CDK17: variants seen among roughly 807,000 people sequenced by gnomAD.
The protein encoded by CDK17 is cyclin-dependent kinase 17.
A neutral mutation model predicts 77.6 loss-of-function variants in CDK17; 24 were observed. The observed-to-expected ratio is 0.31, with a 90% CI of 0.22 to 0.44. The LOEUF (loss-of-function observed/expected upper bound fraction) is 0.44. CDK17 is among the 20% of genes least tolerant of loss of function. The pLI is 1.00. For missense variants in CDK17, 429 were observed against 622.5 expected (o/e 0.69, Z 3.31); for synonymous variants, 203 against 210.4 (o/e 0.96, Z 0.30).
At chr12:96,365,636 C>G (rs1953572481) in intron 1 of CDK17, among the ~76,000 whole-genome samples, 4 of 152,216 alleles carry the variant, frequency 2.6e-5, no homozygotes, top group Admixed American at 2.0e-4. Context: ...TTAGCAATAT[C>G]AAATTATATG....
chr12:96,327,153 C>T (rs1386629368), intron 2 of CDK17, among the ~76,000 whole-genome samples: 1 of 152,118 alleles, frequency 6.6e-6, no homozygotes, highest in Non-Finnish European at 1.5e-5. Flanking sequence ...GTATCTGTTT[C>T]CTGGGTTCTA....
At chr12:96,347,694 TTG>T (rs1953243322) in intron 1 of CDK17, among the ~76,000 whole-genome samples, 1 of 150,672 alleles carries the variant, frequency 6.6e-6, no homozygotes, top group Non-Finnish European at 1.5e-5. Context: ...TATATACCTA[TTG>T]TATTAGACCT....
intron 1 of CDK17, among the ~76,000 whole-genome samples, chr12:96,399,684 G>A (rs1954227312): frequency 6.6e-6 from 1 of 152,144 alleles, no homozygotes; most frequent in African/African-American, 2.4e-5. Flanking sequence ...AAGCGGCAGC[G>A]AGCACCGGAG....
intron 1 of CDK17, among the ~76,000 whole-genome samples, chr12:96,347,068 C>G (rs768250324): frequency 3.3e-5 from 5 of 152,066 alleles, no homozygotes; most frequent in Admixed American, 2.0e-4. Context: ...TAACAAGACA[C>G]GAAGGCCATC....
chr12:96,298,917 T>C lies in CDK17; in HGVS notation c.667A>G (p.Ile223Val). Reference protein sequence around the residue: ...LTENLVALKEIRLEHEEGAPC... With the variant: ...LTENLVALKEVRLEHEEGAPC... ...GCACCTTCTTCATGTTCCAATCGGATCTCTTTTAATGCCACCAAATTCTCT... is the reference window on the plus strand; with the variant it reads ...GCACCTTCTTCATGTTCCAATCGGACCTCTTTTAATGCCACCAAATTCTCT... The change falls in exon 7 of 17, where the codon ATC becomes GTC. Residue 223 changes from isoleucine to valine, a missense_variant. Physicochemically the swap from Ile to Val is conservative, Grantham distance 29. This residue lies in a region of CDK17 where 262 missense variants were observed against 385.4 expected (regional missense o/e 0.68). Transcript: ENST00000261211. 6.2e-7 allele frequency: 1 copy of C among 1,611,300 alleles called. No individual in the cohort carries two copies. Among genetic ancestry groups the C allele is most frequent in the Non-Finnish European group, 8.5e-7 (1 of 1,177,646 alleles).
intron 1 of CDK17, among the ~76,000 whole-genome samples, chr12:96,364,413 A>T (rs1003421587): frequency 6.6e-6 from 1 of 152,180 alleles, no homozygotes; most frequent in Non-Finnish European, 1.5e-5. Flanking sequence ...AAACACAGGT[A>T]TTACCTTTTA....
chr12:96,339,767 T>C (rs1953097114), intron 1 of CDK17, among the ~76,000 whole-genome samples: 1 of 151,780 alleles, frequency 6.6e-6, no homozygotes, highest in African/African-American at 2.4e-5. Flanking sequence ...CTGTCTCTAC[T>C]AAAAATATAA....
intron 1 of CDK17, among the ~76,000 whole-genome samples, chr12:96,369,031 T>G (rs1953645970): frequency 1.3e-5 from 2 of 152,120 alleles, no homozygotes; most frequent in Admixed American, 6.5e-5. Flanking sequence ...ACTACTGACT[T>G]TCAAGTTAGA....
chr12:96,395,156 G>A (rs1382191564), intron 1 of CDK17, among the ~76,000 whole-genome samples: 1 of 152,220 alleles, frequency 6.6e-6, no homozygotes, highest in East Asian at 1.9e-4. Context: ...TTACAGGCGT[G>A]AGCCACCATG....
chr12:96,297,093 T>A (rs1165444588), intron 9 of CDK17, among the ~76,000 whole-genome samples, 177 bp downstream of exon 9: 2 of 152,182 alleles, frequency 1.3e-5, no homozygotes, highest in African/African-American at 4.8e-5. Flanking sequence ...CTAAGAAAGC[T>A]ATAGTGTAGT....
chr12:96,280,488 G>A, intron 16 of CDK17: 1 of 1,409,452 alleles, frequency 7.1e-7, no homozygotes, highest in Non-Finnish European at 9.2e-7. Flanking sequence ...GACTAGGGAA[G>A]CACAAGATGT....
intron 5 of CDK17, among the ~76,000 whole-genome samples, chr12:96,304,025 CAAAT>C (rs1445408980): frequency 4.0e-5 from 6 of 151,896 alleles, no homozygotes; most frequent in African/African-American, 4.9e-5. Context: ...ACTAATAAAA[CAAAT>C]AACCATAATA....
chr12:96,382,094 C>T (rs1029252577), intron 1 of CDK17, among the ~76,000 whole-genome samples: 3 of 151,000 alleles, frequency 2.0e-5, no homozygotes, highest in Non-Finnish European at 4.4e-5. Context: ...AGACATCTAT[C>T]TACCCTAAGG....
chr12:96,393,046 T>C (rs1273997433), intron 1 of CDK17, among the ~76,000 whole-genome samples: 8 of 152,174 alleles, frequency 5.3e-5, no homozygotes, highest in East Asian at 1.9e-4. Flanking sequence ...TTAACTCAAA[T>C]TGAGACATAA....
At chr12:96,347,147 A>T (rs1022893220) in intron 1 of CDK17, among the ~76,000 whole-genome samples, 1 of 152,152 alleles carries the variant, frequency 6.6e-6, no homozygotes, top group African/African-American at 2.4e-5. Context: ...AAAAACAGAG[A>T]CTAAAAATAT....
At chr12:96,386,641 GA>G (rs199609568) in intron 1 of CDK17, among the ~76,000 whole-genome samples, 1,596 of 152,248 alleles carry the variant, frequency 0.01, 49 homozygotes, top group Admixed American at 0.064. Context: ...CTGGGAGACA[GA>G]AAGAGGCCTT....
chr12:96,353,225 T>TTTTCCCATGAAAA (rs1447232217), intron 1 of CDK17, among the ~76,000 whole-genome samples: 1 of 152,192 alleles, frequency 6.6e-6, no homozygotes, highest in Admixed American at 6.5e-5. Flanking sequence ...TCATAGGCTG[T>TTTTCCCATGAAAA]TTTCCCATGA....
At position 96,311,130 on chromosome 12, in the gene CDK17, A is replaced by G. The variant is rs1008980461; in HGVS notation, c.465T>C (p.Asp155=). ...TTATCTGCAACTTTTCAAGATATCC[A>G]TCAGGTATTCTGATGTCTGCAGGCA... The part of the protein sequence containing the change: ...LSLPADIRIP[D]GYLEKLQINS... Residue 155 remains aspartate, a synonymous_variant, in exon 5 of 17, where the codon GAT becomes GAC. Coordinates refer to ENST00000261211, the MANE Select transcript of CDK17 (RefSeq NM_002595.5). 6 of 1,599,272 alleles carry G rather than the reference A, an allele frequency of 3.8e-6. No individual in the cohort carries two copies. The African/African-American group carries it at 5.4e-5, about 14-fold the overall frequency.
intron 10 of CDK17, among the ~76,000 whole-genome samples, chr12:96,291,952 G>A (rs560529638): frequency 6.6e-6 from 1 of 152,120 alleles, no homozygotes; most frequent in Non-Finnish European, 1.5e-5. Context: ...AGCAAACAAA[G>A]AGAAGGAGAA....
Sources: allele counts gnomAD v4.1 joint callset (sites outside exome capture counted in the v4.1 genomes callset), GRCh38; gene constraint gnomAD v4.1.1; regional missense constraint gnomAD v4.1.1; transcripts MANE v1.5; gene names NCBI Gene and HGNC (gene_info 2026-07-23, HGNC 2026-07-21).